LRGUK: variants seen among roughly 807,000 people sequenced by gnomAD.
LRGUK encodes leucine rich repeats and guanylate kinase domain containing.
A neutral mutation model predicts 76.0 loss-of-function variants in LRGUK; 65 were observed. The ratio of observed to expected loss-of-function variants is 0.85; its 90% CI spans 0.70 to 1.05. LRGUK has a LOEUF of 1.05. Ranked by LOEUF, LRGUK falls within the 50% of genes least tolerant of loss-of-function variation. LRGUK has a pLI of 0.00. For synonymous variants in LRGUK, 268 were observed against 265.6 expected (o/e 1.01, Z -0.09); for missense variants, 758 against 732.8 (o/e 1.03, Z -0.40).
At chr7:134,146,070 C>T (rs1327005868) in intron 4 of LRGUK, among the ~76,000 whole-genome samples, 2 of 152,012 alleles carry the variant, frequency 1.3e-5, no homozygotes, top group African/African-American at 2.4e-5. Flanking sequence ...GTCAGGGGTT[C>T]AAGACCAGCC....
chr7:134,259,901 T>C (rs938464355), intron 19 of LRGUK, among the ~76,000 whole-genome samples: 2 of 152,120 alleles, frequency 1.3e-5, no homozygotes, highest in Non-Finnish European at 2.9e-5. Flanking sequence ...TAGGACAGTG[T>C]TCATGGACCG....
At chr7:134,201,401 A>T in intron 14 of LRGUK, 80 bp from the exon 15 acceptor site, 1 of 1,124,148 alleles carries the variant, frequency 8.9e-7, no homozygotes. Context: ...TGCAGTAAAC[A>T]AATCATTACC....
chr7:134,195,718 A>G (rs1800449325), intron 12 of LRGUK, among the ~76,000 whole-genome samples: 1 of 152,210 alleles, frequency 6.6e-6, no homozygotes, highest in African/African-American at 2.4e-5. Flanking sequence ...ATCTGAAAGG[A>G]GAGCCAGACA....
chr7:134,209,961 C>G (rs1173418574), exon 16 of LRGUK: 2 of 399,284 alleles, frequency 5.0e-6, no homozygotes, highest in Non-Finnish European at 8.8e-6. Context: ...GGGACTCAGC[C>G]TGATCCAAGG....
chr7:134,262,073 A>G (rs1802742012), intron 19 of LRGUK, among the ~76,000 whole-genome samples: 1 of 152,200 alleles, frequency 6.6e-6, no homozygotes, highest in East Asian at 1.9e-4. Flanking sequence ...GAAATTTGCT[A>G]AGATTTAAAG....
At chr7:134,202,240 A>G (rs151131945) in intron 15 of LRGUK, among the ~76,000 whole-genome samples, 20 of 152,270 alleles carry the variant, frequency 1.3e-4, no homozygotes, top group African/African-American at 4.8e-4. Flanking sequence ...ATTTTGGTAC[A>G]TGAATTTTGA....
intron 6 of LRGUK, among the ~76,000 whole-genome samples, chr7:134,160,944 C>T (rs937779767): frequency 2.0e-5 from 3 of 152,156 alleles, no homozygotes; most frequent in African/African-American, 7.2e-5. Context: ...AACTAGATAG[C>T]TTTCAATTCA....
chr7:134,167,697 A>G (rs964381803), intron 7 of LRGUK, among the ~76,000 whole-genome samples: 1 of 152,120 alleles, frequency 6.6e-6, no homozygotes, highest in Non-Finnish European at 1.5e-5. Flanking sequence ...TCTGATCCTC[A>G]TGCAGATCCA....
chr7:134,184,362 C>T lies in LRGUK; in HGVS notation c.1334+509C>T, dbSNP rs182905181. Among the ~76,000 whole-genome samples the T allele has an allele frequency of 3.7e-3, 565 of 151,498 alleles. 3 individuals carry two copies. Among genetic ancestry groups the T allele is most frequent in the South Asian group, 0.017 (79 of 4,760 alleles). On this transcript the variant is annotated intron_variant, in intron 11 of 15. Coordinates refer to ENST00000645682, the Ensembl canonical transcript of LRGUK. ...TCGGCTCACTGCAAGCTCCACCTCT[C>T]GGGTTCATACCATTCTCCTGCCTCA...
chr7:134,186,515 T>C (rs1396122975), intron 11 of LRGUK, among the ~76,000 whole-genome samples: 1 of 152,202 alleles, frequency 6.6e-6, no homozygotes, highest in Non-Finnish European at 1.5e-5. Context: ...GACTGACTGA[T>C]TGAGTGAATG....
At chr7:134,163,680 T>A (rs1385106230) in intron 7 of LRGUK, 140 bp downstream of exon 7, 1 of 675,536 alleles carries the variant, frequency 1.5e-6, no homozygotes, top group Non-Finnish European at 2.2e-6. Flanking sequence ...CTAGCAAAAT[T>A]CCTGGAGTAG....
At chr7:134,269,450 T>G (rs1802921526), downstream of LRGUK, among the ~76,000 whole-genome samples, 1 of 149,062 alleles carries the variant, frequency 6.7e-6, no homozygotes, top group South Asian at 2.1e-4. Flanking sequence ...CCTCCTAAGC[T>G]CAAGCAACCC....
At chr7:134,247,825 C>G (rs1484848726) in intron 17 of LRGUK, among the ~76,000 whole-genome samples, 181 bp downstream of exon 17, 1 of 152,098 alleles carries the variant, frequency 6.6e-6, no homozygotes, top group African/African-American at 2.4e-5. Context: ...TTAAAAGGCA[C>G]AATATGCTCA....
chr7:134,143,075 G>A (rs1797835829), exon 4 of LRGUK: 1 of 1,586,362 alleles, frequency 6.3e-7, no homozygotes, highest in African/African-American at 1.3e-5. Flanking sequence ...TATCTTGTGT[G>A]AGTTGTATGC....
intron 16 of LRGUK, among the ~76,000 whole-genome samples, chr7:134,243,939 C>T (rs989534362): frequency 5.3e-5 from 8 of 152,154 alleles, no homozygotes; most frequent in African/African-American, 1.4e-4. Flanking sequence ...CTGACAAAAA[C>T]AAGCTATGGG....
intron 9 of LRGUK, among the ~76,000 whole-genome samples, chr7:134,178,126 C>T (rs1429226612): frequency 6.6e-6 from 1 of 152,024 alleles, no homozygotes; most frequent in African/African-American, 2.4e-5. Context: ...AGTTTTATTC[C>T]TTTTTCACAT....
intron 14 of LRGUK, among the ~76,000 whole-genome samples, chr7:134,199,992 A>C (rs28775437): frequency 2.7e-5 from 3 of 109,724 alleles, no homozygotes; most frequent in African/African-American, 1.1e-4. Flanking sequence ...TTATATATAT[A>C]TATATATATA....
chr7:134,214,412 G>A (rs1235473914), downstream of LRGUK, among the ~76,000 whole-genome samples: 2 of 151,988 alleles, frequency 1.3e-5, no homozygotes, highest in Non-Finnish European at 2.9e-5. Context: ...TCGAATCTGA[G>A]GATTATCATA....
At chr7:134,155,827 C>T (rs1273118681) in intron 5 of LRGUK, among the ~76,000 whole-genome samples, 1 of 152,154 alleles carries the variant, frequency 6.6e-6, no homozygotes, top group East Asian at 1.9e-4. Context: ...GGGATAATTA[C>T]AAATAATTAT....
Sources: gnomAD v4.1 joint callset for allele counts (sites outside exome capture counted in the v4.1 genomes callset) on GRCh38, gnomAD v4.1.1 for gene constraint, MANE v1.5 for transcripts, NCBI Gene and HGNC (gene_info 2026-07-23, HGNC 2026-07-21) for gene names.